FHIP1A: variants seen among roughly 807,000 people sequenced by gnomAD.
FHIP1A encodes FHF complex subunit HOOK interacting protein 1A.
FHIP1A carries 61 observed loss-of-function variants against 88.6 expected under a neutral mutation model. The observed-to-expected ratio is 0.69, with a 90% CI of 0.56 to 0.85. The LOEUF (loss-of-function observed/expected upper bound fraction) is 0.85, where lower values mean the gene tolerates loss of function less well. Among genes scored for constraint, FHIP1A ranks in the 40% least tolerant of loss-of-function variants. The pLI is 0.00. For missense variants in FHIP1A, 1,154 were observed against 1,273.5 expected (o/e 0.91, Z 1.43); for synonymous variants, 478 against 496.0 (o/e 0.96, Z 0.48).
rs1472784567 is a variant in FHIP1A, at chr4:151,669,758, T to C, written c.*7004T>C. 2 of 152,150 alleles carry C rather than the reference T, an allele frequency of 1.3e-5. No individual in the cohort carries two copies. The highest frequency in any genetic ancestry group is 4.8e-5 in the African/African-American group (2 of 41,418). 9.4% of individuals were successfully genotyped at this position (152,150 alleles called of 1,614,324 possible). ...GGTCACATAGTCTCTTAAAATTCTGTCACTAATTTTTTTAAACGACTTTTT... is the reference window on the plus strand; with the variant it reads ...GGTCACATAGTCTCTTAAAATTCTGCCACTAATTTTTTTAAACGACTTTTT... On this transcript the variant is annotated 3_prime_UTR_variant, in exon 14 of 14. Coordinates refer to ENST00000435205, the MANE Select transcript of FHIP1A (RefSeq NM_001109977.3).
At chr4:151,461,401 A>G (rs569042439) in intron 2 of FHIP1A, among the ~76,000 whole-genome samples, 12 of 152,206 alleles carry the variant, frequency 7.9e-5, no homozygotes, top group Non-Finnish European at 1.3e-4. Flanking sequence ...TATGGTGGGC[A>G]TGGCACTCAT....
intron 7 of FHIP1A, among the ~76,000 whole-genome samples, chr4:151,599,462 G>A (rs1242478436): frequency 2.0e-5 from 3 of 152,188 alleles, no homozygotes; most frequent in Admixed American, 6.5e-5. Flanking sequence ...GGAGCAAGAT[G>A]GGGGAAGGCT....
At chr4:151,661,606 G>A (rs1199067346) in intron 13 of FHIP1A, among the ~76,000 whole-genome samples, 1 of 152,108 alleles carries the variant, frequency 6.6e-6, no homozygotes, top group Non-Finnish European at 1.5e-5. Flanking sequence ...GATTGTTTGG[G>A]TAGGGGGCAG....
chr4:151,651,975 G>C (rs1310442374), intron 11 of FHIP1A, among the ~76,000 whole-genome samples: 1 of 152,160 alleles, frequency 6.6e-6, no homozygotes, highest in Non-Finnish European at 1.5e-5. Flanking sequence ...GACAGGGAAG[G>C]GGGAGTTGGA....
rs376286342 is a variant in FHIP1A at position 151,584,571 on chromosome 4, T to A, written c.733-2070T>A. 3.1e-4 allele frequency among the ~76,000 whole-genome samples: 47 copies of A among 152,230 alleles called. 1 individual carries two copies. Among genetic ancestry groups the A allele is most frequent in the African/African-American group, 1.1e-3 (47 of 41,546 alleles). On this transcript the variant is annotated intron_variant, in intron 5 of 13. Coordinates refer to ENST00000435205, the MANE Select transcript of FHIP1A (RefSeq NM_001109977.3). ...TCTGTCTGGTTCGTATGGCTTGAGGTCCCATCTACATGTTGATGGCTCCGT... is the reference window on the plus strand; with the variant it reads ...TCTGTCTGGTTCGTATGGCTTGAGGACCCATCTACATGTTGATGGCTCCGT...
chr4:151,607,328 TGCAACTAGGTAACATGGAGTGACG>T (rs1406997805), intron 7 of FHIP1A, among the ~76,000 whole-genome samples: 1 of 152,210 alleles, frequency 6.6e-6, no homozygotes, highest in African/African-American at 2.4e-5. Context: ...GTTGTGGGCC[TGCAACTAGGTAACATGGAGTGACG>T]GTAGCACTAT....
intron 3 of FHIP1A, among the ~76,000 whole-genome samples, chr4:151,524,066 C>T (rs1731543015): frequency 6.6e-6 from 1 of 152,128 alleles, no homozygotes; most frequent in African/African-American, 2.4e-5. Flanking sequence ...AATCCCAGCA[C>T]TTTGGGAGAC....
intron 7 of FHIP1A, among the ~76,000 whole-genome samples, chr4:151,625,670 A>T (rs555730445): frequency 3.3e-5 from 5 of 152,194 alleles, no homozygotes; most frequent in Non-Finnish European, 5.9e-5. Flanking sequence ...GGTTTTATAG[A>T]AGTAGAATGT....
intron 3 of FHIP1A, among the ~76,000 whole-genome samples, chr4:151,522,207 C>T (rs1235365048): frequency 1.3e-5 from 2 of 152,164 alleles, no homozygotes; most frequent in African/African-American, 4.8e-5. Flanking sequence ...TCCTTCTAGC[C>T]CCAGTGCTGA....
intron 2 of FHIP1A, among the ~76,000 whole-genome samples, chr4:151,461,612 A>G (rs1473776654): frequency 6.6e-6 from 1 of 152,124 alleles, no homozygotes; most frequent in Non-Finnish European, 1.5e-5. Flanking sequence ...ATGTATAATT[A>G]TCATATGCCA....
At chr4:151,528,657 T>C (rs561137975) in intron 3 of FHIP1A, among the ~76,000 whole-genome samples, 2 of 152,276 alleles carry the variant, frequency 1.3e-5, no homozygotes, top group Admixed American at 1.3e-4. Context: ...TGTATTTGGA[T>C]GGGGGAGCAG....
At chr4:151,554,195 A>T (rs920479243) in intron 3 of FHIP1A, among the ~76,000 whole-genome samples, 1 of 152,154 alleles carries the variant, frequency 6.6e-6, no homozygotes, top group African/African-American at 2.4e-5. Flanking sequence ...TTGAATAGAC[A>T]ATTTAGTGTG....
At chr4:151,554,211 T>C (rs1202928021) in intron 3 of FHIP1A, among the ~76,000 whole-genome samples, 1 of 152,180 alleles carries the variant, frequency 6.6e-6, no homozygotes, top group African/African-American at 2.4e-5. Flanking sequence ...GTGTGGTGCC[T>C]GGCACAGAGT....
At chr4:151,514,171 A>G (rs921315284) in intron 3 of FHIP1A, among the ~76,000 whole-genome samples, 4 of 152,242 alleles carry the variant, frequency 2.6e-5, no homozygotes, top group Non-Finnish European at 4.4e-5. Flanking sequence ...AATCAACTAC[A>G]TGGAAACTGA....
Position 151,566,240 on chromosome 4 carries a change from G to T in FHIP1A, c.-20G>T. 1 of 1,468,524 alleles carries T rather than the reference G, an allele frequency of 6.8e-7. No homozygotes were observed. Among genetic ancestry groups the T allele is most frequent in the South Asian group, 1.3e-5 (1 of 79,848 alleles). 91.0% of individuals were successfully genotyped at this position (1,468,524 alleles called of 1,614,324 possible). A position where few individuals can be genotyped will look rare whatever the true frequency, so the allele number is the denominator to read the frequency against. ...AATGAAAATTAAATATGACTTAGAA[G>T]CATTGATTTATGAAGGCTTATGATG... On this transcript the variant is annotated 5_prime_UTR_variant, in exon 4 of 14. Coordinates refer to ENST00000435205, the MANE Select transcript of FHIP1A (RefSeq NM_001109977.3).
chr4:151,472,360 A>C (rs1218861762), intron 2 of FHIP1A, among the ~76,000 whole-genome samples: 4 of 152,026 alleles, frequency 2.6e-5, no homozygotes, highest in Non-Finnish European at 5.9e-5. Flanking sequence ...AAACACTATG[A>C]GTATTTCTGG....
chr4:151,543,656 A>G (rs949682860), intron 3 of FHIP1A, among the ~76,000 whole-genome samples: 4 of 152,322 alleles, frequency 2.6e-5, no homozygotes, highest in African/African-American at 9.6e-5. Context: ...TTATCATACC[A>G]TGTATATAAT....
intron 3 of FHIP1A, among the ~76,000 whole-genome samples, chr4:151,540,496 C>T (rs1190073359): frequency 2.0e-5 from 3 of 152,044 alleles, no homozygotes; most frequent in Non-Finnish European, 1.5e-5. Flanking sequence ...ATGGTAAAAT[C>T]GACATTTTAT....
At chr4:151,600,855 A>G (rs1734842913) in intron 7 of FHIP1A, among the ~76,000 whole-genome samples, 1 of 152,190 alleles carries the variant, frequency 6.6e-6, no homozygotes, top group South Asian at 2.1e-4. Flanking sequence ...CAAAGAGGCA[A>G]AAGATAGAAG....
Sources: gnomAD v4.1 joint callset for allele counts (sites outside exome capture counted in the v4.1 genomes callset) on GRCh38, gnomAD v4.1.1 for gene constraint, MANE v1.5 for transcripts, NCBI Gene and HGNC (gene_info 2026-07-23, HGNC 2026-07-21) for gene names.